Variants in PARD3B observed in about 807,000 individuals in gnomAD.
PARD3B encodes partitioning defective 3 homolog B.
A neutral mutation model predicts 130.2 loss-of-function variants in PARD3B; 103 were observed. That is an observed-to-expected ratio of 0.79 (90% CI 0.67 to 0.93). The LOEUF is 0.93. PARD3B is among the 40% of genes least tolerant of loss of function. The pLI is 0.00. For synonymous variants in PARD3B, 583 were observed against 553.2 expected (o/e 1.05, Z -0.76); for missense variants, 1,609 against 1,499.2 (o/e 1.07, Z -1.21).
intron 1 of PARD3B, among the ~76,000 whole-genome samples, chr2:204,550,249 A>T (rs1225028998): frequency 6.6e-6 from 1 of 152,228 alleles, no homozygotes; most frequent in Non-Finnish European, 1.5e-5. Context: ...TACCTAATAC[A>T]ATGTAAAAGC....
intron 3 of PARD3B, among the ~76,000 whole-genome samples, chr2:204,971,720 A>G (rs1179813098): frequency 6.6e-6 from 1 of 152,020 alleles, no homozygotes; most frequent in Non-Finnish European, 1.5e-5. Context: ...CCATATAGTC[A>G]ACAAAGTGTG....
intron 1 of PARD3B, among the ~76,000 whole-genome samples, chr2:204,647,472 AT>A (rs944651311): frequency 6.6e-6 from 1 of 151,270 alleles, no homozygotes; most frequent in Non-Finnish European, 1.5e-5. Flanking sequence ...TTATTTGCAT[AT>A]TTTTTTGACA....
At chr2:205,006,213 T>A (rs1695255317) in intron 3 of PARD3B, among the ~76,000 whole-genome samples, 3 of 152,184 alleles carry the variant, frequency 2.0e-5, no homozygotes, top group African/African-American at 7.2e-5. Flanking sequence ...CACTCATTGG[T>A]CAATGGACAC....
At chr2:204,680,904 T>C (rs2036795438) in intron 1 of PARD3B, among the ~76,000 whole-genome samples, 1 of 152,156 alleles carries the variant, frequency 6.6e-6, no homozygotes. Context: ...AAGTATGTTC[T>C]AATCTTTTCG....
At chr2:204,846,230 A>G (rs2044456541) in intron 2 of PARD3B, among the ~76,000 whole-genome samples, 1 of 152,088 alleles carries the variant, frequency 6.6e-6, no homozygotes, top group African/African-American at 2.4e-5. Flanking sequence ...GAGTGATAAG[A>G]TAGATTCAGT....
In PARD3B at chr2:205,036,490, CAT is replaced by C. The variant is rs573240321; in HGVS notation, c.395-11087_395-11086del. 1.1e-3 allele frequency among the ~76,000 whole-genome samples: 167 copies of C among 146,706 alleles called. 2 individuals carry two copies. The highest frequency in any genetic ancestry group is 3.8e-3 in the African/African-American group (152 of 40,260). ...ATATAGCGGACTATATATATAAAAACATATAGCAGACTATATATAAAAAATAT... is the reference window on the plus strand; with the variant it reads ...ATATAGCGGACTATATATATAAAAACATAGCAGACTATATATAAAAAATAT... On this transcript the variant is annotated intron_variant, in intron 3 of 22. Transcript: ENST00000406610.
In PARD3B at chr2:205,187,301, A is replaced by C. The variant is rs1218274896; in HGVS notation, c.2024+1438A>C. On this transcript the variant is annotated intron_variant, in intron 14 of 22. Transcript: ENST00000406610. This position sits in a 1 kb window ranked among gnomAD's most constrained non-coding sequence, Gnocchi z 4.9. ...ACGGGAGAGTAAATTGAATTGTACA[A>C]GGTGGAGCTGATCAGCCAGATGATA... Among the ~76,000 whole-genome samples, 3 of 152,194 alleles carry C rather than the reference A, an allele frequency of 2.0e-5. No individual in the cohort carries two copies. Among genetic ancestry groups the C allele is most frequent in the African/African-American group, 7.2e-5 (3 of 41,450 alleles).
At chr2:205,399,770 C>T (rs2046180700) in intron 18 of PARD3B, among the ~76,000 whole-genome samples, 1 of 152,190 alleles carries the variant, frequency 6.6e-6, no homozygotes, top group South Asian at 2.1e-4. Context: ...CTATATACAT[C>T]CCAGGCACTC....
intron 4 of PARD3B, among the ~76,000 whole-genome samples, chr2:205,077,636 T>C (rs1255487466): frequency 2.0e-5 from 3 of 152,202 alleles, no homozygotes; most frequent in Admixed American, 1.3e-4. Context: ...AAATATTATA[T>C]GATTCCAAGG....
intron 3 of PARD3B, among the ~76,000 whole-genome samples, chr2:205,037,352 A>T (rs62647518): frequency 0.025 from 2,159 of 85,612 alleles, 8 homozygotes; most frequent in South Asian, 0.09. Flanking sequence ...ATAGTGGACT[A>T]TTTGTATAAA....
At chr2:204,878,978 A>G (rs1384465502) in intron 2 of PARD3B, among the ~76,000 whole-genome samples, 1 of 152,174 alleles carries the variant, frequency 6.6e-6, no homozygotes, top group Non-Finnish European at 1.5e-5. Flanking sequence ...TTAAAGCAGA[A>G]AGCTGTAATT....
rs1310817439 is a variant in PARD3B, at chr2:204,927,129, T to A, written c.223-38023T>A. Among the ~76,000 whole-genome samples, 8 of 152,240 alleles carry A rather than the reference T, an allele frequency of 5.3e-5. No homozygotes were observed. In the East Asian group the frequency reaches 1.5e-3, roughly 29 times the overall value. ...TCTTTAGGACTAAAGAATAATACATTTTTGGTGATACTAAAAAAATACTGA... is the reference window on the plus strand; with the variant it reads ...TCTTTAGGACTAAAGAATAATACATATTTGGTGATACTAAAAAAATACTGA... On this transcript the variant is annotated intron_variant, in intron 2 of 22. Transcript: ENST00000406610.
At chr2:204,631,272 A>G (rs2034670742) in intron 1 of PARD3B, among the ~76,000 whole-genome samples, 1 of 147,348 alleles carries the variant, frequency 6.8e-6, no homozygotes, top group Non-Finnish European at 1.5e-5. Flanking sequence ...TGTTTTTTAG[A>G]CAGAGTCTCG....
At chr2:204,940,836 A>G (rs530298525) in intron 2 of PARD3B, among the ~76,000 whole-genome samples, 5 of 152,260 alleles carry the variant, frequency 3.3e-5, no homozygotes, top group East Asian at 1.9e-4. Flanking sequence ...ATGGTACTCA[A>G]TGTTGCAGGA....
At chr2:204,755,630 C>G (rs1426692211) in intron 2 of PARD3B, among the ~76,000 whole-genome samples, 1 of 152,084 alleles carries the variant, frequency 6.6e-6, no homozygotes, top group Non-Finnish European at 1.5e-5. Context: ...AGCACAAGAA[C>G]TGGGGTACAG....
intron 11 of PARD3B, among the ~76,000 whole-genome samples, chr2:205,168,318 A>AGT (rs1429954131): frequency 3.0e-4 from 37 of 122,486 alleles, no homozygotes; most frequent in African/African-American, 9.4e-4. Flanking sequence ...AGAGAGAGAG[A>AGT]GAGTGTGTGT....
chr2:204,586,787 A>G (rs745459203), intron 1 of PARD3B, among the ~76,000 whole-genome samples: 4 of 152,222 alleles, frequency 2.6e-5, no homozygotes, highest in African/African-American at 9.6e-5. Flanking sequence ...ATATTTTAAC[A>G]TAGTACGTGA....
At chr2:205,498,213 A>C (rs1409209469) in intron 20 of PARD3B, among the ~76,000 whole-genome samples, 1 of 151,360 alleles carries the variant, frequency 6.6e-6, no homozygotes, top group Non-Finnish European at 1.5e-5. Context: ...AAAAAAAAAA[A>C]AAAACAGGCC....
intron 4 of PARD3B, among the ~76,000 whole-genome samples, chr2:205,049,261 GTGAGGCTTCTGGA>G (rs1166201885): frequency 2.0e-5 from 3 of 152,124 alleles, no homozygotes; most frequent in Non-Finnish European, 4.4e-5. Context: ...TGCATGGCTG[GTGAGGCTTCTGGA>G]AACTTAAAAT....
Sources: allele counts gnomAD v4.1 joint callset (sites outside exome capture counted in the v4.1 genomes callset), GRCh38; gene constraint gnomAD v4.1.1; non-coding constraint Gnocchi (gnomAD v3.1); transcripts MANE v1.5; gene names NCBI Gene and HGNC (gene_info 2026-07-23, HGNC 2026-07-21).